Variants in FRMD3 observed in about 807,000 individuals in gnomAD.
FRMD3 encodes the protein FERM domain containing 3.
In FRMD3, 33 loss-of-function variants were observed where a neutral mutation model predicts 70.2. The ratio of observed to expected loss-of-function variants is 0.47; its 90% CI spans 0.36 to 0.63. The LOEUF is 0.63. Among genes scored for constraint, FRMD3 ranks in the 20% least tolerant of loss-of-function variants. FRMD3 has a pLI of 0.00. For synonymous variants in FRMD3, 279 were observed against 255.9 expected, an observed-to-expected ratio of 1.09 and a Z score of -0.86; for missense variants, 632 against 711.4, an observed-to-expected ratio of 0.89 and a Z score of 1.27.
the FRMD3 span, among the ~76,000 whole-genome samples, chr9:83,564,622 C>T: frequency 6.6e-6 from 1 of 152,058 alleles, no homozygotes; most frequent in Non-Finnish European, 1.5e-5. Context: ...TGATCCAAAT[C>T]TTGTTGTGAT....
Position 83,479,759 on chromosome 9 carries a change from AAGGGAGGGAGGGAGGG to A in FRMD3, c.147+58310_147+58325del, listed in dbSNP as rs369358306. Among the ~76,000 whole-genome samples the A allele has an allele frequency of 8.4e-4, 77 of 91,944 alleles. 4 individuals carry two copies. The highest frequency in any genetic ancestry group is 4.0e-4 in the African/African-American group (9 of 22,660). The allele number at this position is 91,944 out of a possible 152,430, so 60.3% of individuals were successfully genotyped here. A position where few individuals can be genotyped will look rare whatever the true frequency, so the allele number is the denominator to read the frequency against. On this transcript the variant is annotated intron_variant, in intron 1 of 13. Transcript: ENST00000304195. ...AGAAAGAAAAAGAAAAGAGAAGAAGAAGGGAGGGAGGGAGGGAGGGAGGGAGGGAAGGAAGGAAGGA... is the reference window on the plus strand; with the variant it reads ...AGAAAGAAAAAGAAAAGAGAAGAAGAAGGGAGGGAGGGAAGGAAGGAAGGA...
At chr9:83,394,549 A>G (rs1044577680) in intron 1 of FRMD3, among the ~76,000 whole-genome samples, 2 of 152,170 alleles carry the variant, frequency 1.3e-5, no homozygotes, top group African/African-American at 2.4e-5. Context: ...GTAGCTGCTC[A>G]ATAAATGACA....
At chr9:83,416,217 T>C (rs1342567072) in intron 1 of FRMD3, among the ~76,000 whole-genome samples, 6 of 152,204 alleles carry the variant, frequency 3.9e-5, no homozygotes, top group Non-Finnish European at 8.8e-5. Context: ...ACGGTTTCCA[T>C]TAGTGCAGGA....
chr9:83,290,669 T>C lies in FRMD3; in HGVS notation c.1129A>G (p.Met377Val), dbSNP rs760371909. The change falls in exon 13 of 14, where the codon ATG becomes GTG. Residue 377 changes from methionine (M) to valine (V), a missense_variant. This residue lies in a region of FRMD3 where 418 missense variants were observed against 442.1 expected (regional missense o/e 0.95). Transcript: ENST00000304195. The stretch of plus-strand genomic sequence containing the variant: ...GGAAGCAGGGGCTGCAGGGGTTCCA[T>C]GTTAATGATGAGCTGTTTGTTCAAG... Reference protein sequence around the residue: ...HSLNKQLIINMEPLQPLLPSP... With the variant: ...HSLNKQLIINVEPLQPLLPSP... The C allele has an allele frequency of 6.2e-7, 1 of 1,614,004 alleles. No individual in the cohort carries two copies. The highest frequency in any genetic ancestry group is 2.2e-5 in the East Asian group (1 of 44,874).
At chr9:83,552,887 C>T in the FRMD3 span, among the ~76,000 whole-genome samples, 1 of 152,094 alleles carries the variant, frequency 6.6e-6, no homozygotes, top group Non-Finnish European at 1.5e-5. Flanking sequence ...AGATGGGTCT[C>T]TTGAAGACAG....
At chr9:83,513,101 G>C (rs1213185594) in intron 1 of FRMD3, among the ~76,000 whole-genome samples, 1 of 152,124 alleles carries the variant, frequency 6.6e-6, no homozygotes, top group Non-Finnish European at 1.5e-5. Context: ...ATATCAAGTG[G>C]GCTCCCACAT....
At chr9:83,257,801 TTTTG>T (rs947310048) in intron 13 of FRMD3, among the ~76,000 whole-genome samples, 5 of 152,182 alleles carry the variant, frequency 3.3e-5, no homozygotes, top group Admixed American at 6.5e-5. Flanking sequence ...TTTAATAATT[TTTTG>T]TTTTAGAAGT....
chr9:83,266,895 T>C, intron 13 of FRMD3: 1 of 1,087,272 alleles, frequency 9.2e-7, no homozygotes, highest in African/African-American at 1.6e-5. Context: ...CTTTTCATCC[T>C]TATCAAAAAC....
intron 7 of FRMD3, 93 bp from the exon 8 acceptor site, chr9:83,312,068 G>A: frequency 1.0e-6 from 1 of 970,172 alleles, no homozygotes; most frequent in Non-Finnish European, 1.5e-6. Context: ...CCTCACCCTA[G>A]GTTAATTTTA....
intron 1 of FRMD3, among the ~76,000 whole-genome samples, chr9:83,465,538 A>T (rs1828103255): frequency 6.6e-6 from 1 of 152,190 alleles, no homozygotes; most frequent in Non-Finnish European, 1.5e-5. Flanking sequence ...GAAAAACACC[A>T]GGCCTTTTGA....
rs190477452 is a variant in FRMD3 at position 83,293,795 on chromosome 9, C to A, written c.1071-3068G>T. Among the ~76,000 whole-genome samples, 232 of 152,308 alleles carry A rather than the reference C, an allele frequency of 1.5e-3. 2 individuals carry two copies. The highest frequency in any genetic ancestry group is 5.3e-3 in the African/African-American group (222 of 41,560). On this transcript the variant is annotated intron_variant, in intron 12 of 13. Coordinates refer to ENST00000304195, the MANE Select transcript of FRMD3 (RefSeq NM_174938.6). ...ATATAGGACGTGCCTTGTATTAGAC[C>A]AGGTGACTCCTGCAGTGGATTACAA... is the stretch of plus-strand genomic sequence containing the variant.
the FRMD3 span, among the ~76,000 whole-genome samples, chr9:83,568,789 A>G: frequency 6.6e-6 from 1 of 152,202 alleles, no homozygotes; most frequent in Non-Finnish European, 1.5e-5. Context: ...CAGATGTCTC[A>G]GTGTAAAAAA....
intron 1 of FRMD3, among the ~76,000 whole-genome samples, chr9:83,481,442 G>C (rs1828565351): frequency 6.6e-6 from 1 of 152,092 alleles, no homozygotes; most frequent in Non-Finnish European, 1.5e-5. Context: ...TTAGAATGAT[G>C]ATTACAAAGA....
chr9:83,398,037 A>G (rs1825853024), intron 1 of FRMD3, among the ~76,000 whole-genome samples: 2 of 152,192 alleles, frequency 1.3e-5, no homozygotes. Flanking sequence ...TTCTGCTTTT[A>G]TTGTCAAGGA....
chr9:83,434,749 C>T (rs72745084), intron 1 of FRMD3, among the ~76,000 whole-genome samples: 14,623 of 151,582 alleles, frequency 0.096, 915 homozygotes, highest in South Asian at 0.15. Context: ...TATGGCCTCC[C>T]CTTTAAAGAG....
intron 1 of FRMD3, among the ~76,000 whole-genome samples, chr9:83,451,281 A>AT (rs1220865392): frequency 6.6e-6 from 1 of 152,124 alleles, no homozygotes; most frequent in African/African-American, 2.4e-5. Context: ...AGCAATAGAT[A>AT]TCAGTGCTGG....
At chr9:83,299,330 A>G in intron 10 of FRMD3, 144 bp from the exon 11 acceptor site, 1 of 574,364 alleles carries the variant, frequency 1.7e-6, no homozygotes, top group Non-Finnish European at 3.1e-6. Context: ...TGCACACAAA[A>G]TATAAGAAAA....
chr9:83,345,576 T>C (rs1823928464), intron 4 of FRMD3, among the ~76,000 whole-genome samples: 1 of 151,782 alleles, frequency 6.6e-6, no homozygotes, highest in Non-Finnish European at 1.5e-5. Context: ...GCTAACATGG[T>C]GAAACCTCGT....
chr9:83,495,234 G>A (rs911367947), intron 1 of FRMD3, among the ~76,000 whole-genome samples: 27 of 152,158 alleles, frequency 1.8e-4, no homozygotes, highest in African/African-American at 6.3e-4. Flanking sequence ...AGGCAATGGG[G>A]AGGGTCCTGG....
Sources: gnomAD v4.1 joint callset for allele counts (sites outside exome capture counted in the v4.1 genomes callset) on GRCh38, gnomAD v4.1.1 for gene constraint, gnomAD v4.1.1 regional missense constraint, MANE v1.5 for transcripts, NCBI Gene and HGNC (gene_info 2026-07-23, HGNC 2026-07-21) for gene names.